OPRM1: variants seen among roughly 807,000 people sequenced by gnomAD.
OPRM1 encodes opioid receptor mu 1, also known as mu-type opioid receptor.
OPRM1 carries 27 observed loss-of-function variants against 31.8 expected under a neutral mutation model. The ratio of observed to expected loss-of-function variants is 0.85; its 90% CI spans 0.63 to 1.17. The LOEUF is 1.17. OPRM1 is among the 50% of genes most tolerant of loss of function. The pLI is 0.00. For synonymous variants in OPRM1, 196 were observed against 189.9 expected, an observed-to-expected ratio of 1.03 and a Z score of -0.26; for missense variants, 536 against 511.1, an observed-to-expected ratio of 1.05 and a Z score of -0.47.
chr6:154,235,411 A>G (rs1196213890), intron 3 of OPRM1, among the ~76,000 whole-genome samples: 1 of 151,898 alleles, frequency 6.6e-6, no homozygotes, highest in African/African-American at 2.4e-5. Flanking sequence ...GGGTGCCTGT[A>G]GTCCCAGCTA....
intron 3 of OPRM1, among the ~76,000 whole-genome samples, chr6:154,197,915 T>A (rs1185337077): frequency 6.6e-6 from 1 of 152,234 alleles, no homozygotes; most frequent in Non-Finnish European, 1.5e-5. Flanking sequence ...ATAGATGTAG[T>A]ACTTTTTATT....
intron 3 of OPRM1, among the ~76,000 whole-genome samples, chr6:154,232,609 T>C (rs1004522650): frequency 6.6e-6 from 1 of 151,944 alleles, no homozygotes; most frequent in African/African-American, 2.4e-5. Context: ...AGAGCTAAAA[T>C]AGGCTCAGGA....
intron 1 of OPRM1, among the ~76,000 whole-genome samples, chr6:154,075,643 G>C (rs1451852747): frequency 6.6e-6 from 1 of 151,890 alleles, no homozygotes; most frequent in Non-Finnish European, 1.5e-5. Flanking sequence ...GTAGAAATGG[G>C]GTTTCACCAT....
chr6:154,056,501 C>T (rs1458899739), intron 1 of OPRM1, among the ~76,000 whole-genome samples: 1 of 151,628 alleles, frequency 6.6e-6, no homozygotes, highest in African/African-American at 2.4e-5. Flanking sequence ...ATGGATTTTT[C>T]CAGGACTTGC....
intron 3 of OPRM1, among the ~76,000 whole-genome samples, chr6:154,178,690 C>G (rs1020286358): frequency 1.4e-4 from 21 of 152,188 alleles, no homozygotes; most frequent in Middle Eastern, 6.8e-3. Flanking sequence ...TCAAAAAAAC[C>G]AATATCTTCA....
At chr6:154,169,230 G>A (rs1799679143) in intron 3 of OPRM1, among the ~76,000 whole-genome samples, 1 of 152,068 alleles carries the variant, frequency 6.6e-6, no homozygotes, top group African/African-American at 2.4e-5. Flanking sequence ...GTGTGGTGGT[G>A]CGTGCCTGTC....
intron 3 of OPRM1, among the ~76,000 whole-genome samples, chr6:154,209,028 C>T (rs1388612084): frequency 2.0e-5 from 3 of 152,146 alleles, no homozygotes; most frequent in African/African-American, 4.8e-5. Flanking sequence ...GGAAGATTTC[C>T]TGACATGTTC....
At chr6:154,159,794 A>G (rs753020252) in intron 3 of OPRM1, 1 of 1,528,056 alleles carries the variant, frequency 6.5e-7, no homozygotes, top group African/African-American at 1.4e-5. Flanking sequence ...GTTGCTTGTG[A>G]TAAAATATAA....
At chr6:154,226,293 T>C (rs1450815121) in intron 3 of OPRM1, among the ~76,000 whole-genome samples, 1 of 152,194 alleles carries the variant, frequency 6.6e-6, no homozygotes, top group Non-Finnish European at 1.5e-5. Context: ...ATCCTGGAGC[T>C]CCTGTCCCAG....
At chr6:154,058,092 C>T (rs1306780956) in intron 1 of OPRM1, among the ~76,000 whole-genome samples, 4 of 152,050 alleles carry the variant, frequency 2.6e-5, no homozygotes, top group Admixed American at 2.0e-4. Context: ...TAAAGCACAC[C>T]AGTGATCATT....
intron 1 of OPRM1, among the ~76,000 whole-genome samples, chr6:154,049,739 C>T (rs1298809583): frequency 6.6e-6 from 1 of 152,114 alleles, no homozygotes; most frequent in African/African-American, 2.4e-5. Context: ...AATGGATTCC[C>T]ATATAACTCA....
rs371959798 is a variant in OPRM1 at position 154,241,628 on chromosome 6, G to A, written c.1165-5065G>A. 7.2e-5 allele frequency among the ~76,000 whole-genome samples: 11 copies of A among 151,906 alleles called. No individual in the cohort carries two copies. The East Asian group carries it at 7.7e-4, about 11-fold the overall frequency. On this transcript the variant is annotated intron_variant, in intron 3 of 3. Coordinates refer to the OPRM1 transcript ENST00000337049. ...TCACCCCTTTTTATTTGCGTAGTGC[G>A]CCCTACATTCTCACTGTTGGCACTC...
chr6:154,055,934 A>C (rs1031795117), intron 1 of OPRM1, among the ~76,000 whole-genome samples: 5 of 152,202 alleles, frequency 3.3e-5, no homozygotes, highest in Non-Finnish European at 5.9e-5. Flanking sequence ...TGTCCCCAGC[A>C]GCACTGTTCA....
At chr6:154,177,325 A>G (rs547686885) in intron 3 of OPRM1, among the ~76,000 whole-genome samples, 1 of 152,380 alleles carries the variant, frequency 6.6e-6, no homozygotes, top group African/African-American at 2.4e-5. Flanking sequence ...GCACAGCAAA[A>G]GAAACTATCA....
At chr6:154,077,238 T>C (rs1482829164) in intron 1 of OPRM1, among the ~76,000 whole-genome samples, 1 of 151,974 alleles carries the variant, frequency 6.6e-6, no homozygotes, top group Non-Finnish European at 1.5e-5. Context: ...ATAGCACACA[T>C]AAATTCTCTA....
intron 1 of OPRM1, among the ~76,000 whole-genome samples, chr6:154,079,829 C>T (rs1382164025): frequency 6.6e-6 from 1 of 152,142 alleles, no homozygotes; most frequent in African/African-American, 2.4e-5. Context: ...CCCACCTTGG[C>T]CTCCCAAAGA....
intron 1 of OPRM1, among the ~76,000 whole-genome samples, chr6:154,077,407 T>C (rs1788091305): frequency 6.7e-6 from 1 of 148,766 alleles, no homozygotes; most frequent in Non-Finnish European, 1.5e-5. Flanking sequence ...CATGAGCCAC[T>C]ATGCCCAGCC....
chr6:154,097,968 G>A (rs1016658880), intron 3 of OPRM1, among the ~76,000 whole-genome samples: 10 of 152,114 alleles, frequency 6.6e-5, no homozygotes, highest in African/African-American at 1.7e-4. Context: ...AGTGGCTCAC[G>A]CCTGTTATCC....
At chr6:154,095,533 C>T (rs1182201613) in intron 3 of OPRM1, among the ~76,000 whole-genome samples, 1 of 152,158 alleles carries the variant, frequency 6.6e-6, no homozygotes, top group Non-Finnish European at 1.5e-5. Context: ...GCCTTTGCTA[C>T]TCTGATCCAA....
Sources: gnomAD v4.1 joint callset for allele counts (sites outside exome capture counted in the v4.1 genomes callset) on GRCh38, gnomAD v4.1.1 for gene constraint, MANE v1.5 for transcripts, NCBI Gene and HGNC (gene_info 2026-07-23, HGNC 2026-07-21) for gene names.